Variants in DPY19L3 observed in about 807,000 individuals in gnomAD.
DPY19L3 encodes the protein dpy-19 like C-mannosyltransferase 3.
Under a neutral mutation model 92.3 loss-of-function variants are expected in DPY19L3, and 51 were observed. The observed-to-expected ratio is 0.55, with a 90% CI of 0.44 to 0.70. DPY19L3 has a LOEUF of 0.70. DPY19L3 is among the 30% of genes least tolerant of loss of function. DPY19L3 has a pLI of 0.00. For missense variants in DPY19L3, 706 were observed against 855.9 expected (o/e 0.82, Z 2.18); for synonymous variants, 309 against 315.2 (o/e 0.98, Z 0.21).
chr19:32,474,978 G>T (rs113767932), intron 16 of DPY19L3, among the ~76,000 whole-genome samples: 2 of 152,154 alleles, frequency 1.3e-5, no homozygotes, highest in Non-Finnish European at 2.9e-5. Context: ...AATAAAGAAC[G>T]TTATAACTCC....
chr19:32,443,869 A>C (rs1969401257), intron 8 of DPY19L3, among the ~76,000 whole-genome samples: 1 of 152,098 alleles, frequency 6.6e-6, no homozygotes, highest in Non-Finnish European at 1.5e-5. Flanking sequence ...CAGCCCGGGC[A>C]ACATGGTGAA....
chr19:32,470,781 C>CTTTT (rs71336911), intron 16 of DPY19L3, among the ~76,000 whole-genome samples: 1,189 of 91,150 alleles, frequency 0.013, 43 homozygotes, highest in South Asian at 0.022. Flanking sequence ...ATTCCTTTGG[C>CTTTT]TTTTTTTTTT....
intron 12 of DPY19L3, among the ~76,000 whole-genome samples, chr19:32,463,038 C>A (rs1970087474): frequency 6.7e-6 from 1 of 149,320 alleles, no homozygotes; most frequent in Non-Finnish European, 1.5e-5. Context: ...GGTAAAACAT[C>A]TTTTAAAAAT....
intron 3 of DPY19L3, among the ~76,000 whole-genome samples, chr19:32,415,178 T>A (rs1356128267): frequency 2.0e-5 from 3 of 152,108 alleles, no homozygotes; most frequent in Non-Finnish European, 2.9e-5. Flanking sequence ...ATCCAGACAA[T>A]TACAGGACAT....
rs149706995 is a variant in DPY19L3, at chr19:32,478,404, G to A, written c.1830+750G>A. Reference sequence around the variant, plus strand: ...AAAGGCGTTGAGGCATACTGGTCACGTTTCTTATGGACCTTTCTGAAGTCT... The same window carrying A: ...AAAGGCGTTGAGGCATACTGGTCACATTTCTTATGGACCTTTCTGAAGTCT... On this transcript the variant is annotated intron_variant, in intron 17 of 18. Transcript: ENST00000392250. Among the ~76,000 whole-genome samples, 7 of 152,312 alleles carry A rather than the reference G, an allele frequency of 4.6e-5. No homozygotes were observed. The South Asian group carries it at 1.0e-3, about 23-fold the overall frequency.
rs1037781565 is a variant in DPY19L3, at chr19:32,459,243, T to TG, written c.1322+741dup. Among the ~76,000 whole-genome samples the TG allele has an allele frequency of 5.3e-5, 8 of 152,230 alleles. No individual in the cohort carries two copies. In the South Asian group the frequency reaches 6.2e-4, roughly 12 times the overall value. ...TAAGAATATCTACCCATCAAGCTGC[T>TG]GGGGGGGTTTGCATTGACTCTTCGT... is the stretch of plus-strand genomic sequence containing the variant. On this transcript the variant is annotated intron_variant, in intron 12 of 18. Coordinates refer to ENST00000392250, the MANE Select transcript of DPY19L3 (RefSeq NM_001172774.2).
intron 11 of DPY19L3, 62 bp downstream of exon 11, chr19:32,458,235 C>T: frequency 6.3e-7 from 1 of 1,582,432 alleles, no homozygotes. Flanking sequence ...GACTTTAAAA[C>T]TTAAGTTGTC....
At position 32,459,266 on chromosome 19, in the gene DPY19L3, C is replaced by T. The variant is rs533618768; in HGVS notation, c.1322+757C>T. On this transcript the variant is annotated intron_variant, in intron 12 of 18. Transcript: ENST00000392250. ...GCTGGGGGGGTTTGCATTGACTCTT[C>T]GTGTTAAACTGAAAGAAAATTAAGT... Among the ~76,000 whole-genome samples, 45 of 152,246 alleles carry T rather than the reference C, an allele frequency of 3.0e-4. No homozygotes were observed. The East Asian group carries it at 7.3e-3, about 25-fold the overall frequency.
At chr19:32,419,240 A>G (rs1599594314) in intron 3 of DPY19L3, among the ~76,000 whole-genome samples, 2 of 150,218 alleles carry the variant, frequency 1.3e-5, no homozygotes, top group East Asian at 3.9e-4. Flanking sequence ...GGCTCCCTGC[A>G]AGCTCCACCT....
chr19:32,426,563 AT>A (rs1968772081), intron 3 of DPY19L3, among the ~76,000 whole-genome samples: 1 of 152,186 alleles, frequency 6.6e-6, no homozygotes, highest in African/African-American at 2.4e-5. Context: ...AAAGTTATTA[AT>A]TCCGATATTA....
chr19:32,432,271 G>T (rs1270357629), intron 3 of DPY19L3, among the ~76,000 whole-genome samples: 1 of 152,102 alleles, frequency 6.6e-6, no homozygotes, highest in Non-Finnish European at 1.5e-5. Context: ...CCAGGGTTAC[G>T]CTTGTCAGAG....
intron 10 of DPY19L3, among the ~76,000 whole-genome samples, chr19:32,457,848 A>G (rs1309187798): frequency 1.3e-5 from 2 of 152,204 alleles, no homozygotes; most frequent in African/African-American, 4.8e-5. Context: ...CCTATTTTGC[A>G]TATTTAACTT....
intron 4 of DPY19L3, among the ~76,000 whole-genome samples, chr19:32,434,032 G>C (rs1969055760): frequency 1.3e-5 from 2 of 152,172 alleles, no homozygotes; most frequent in Admixed American, 1.3e-4. Flanking sequence ...CTACCTTGCA[G>C]TACAGTTTAT....
intron 6 of DPY19L3, 112 bp downstream of exon 6, chr19:32,437,451 G>A: frequency 1.5e-6 from 2 of 1,291,508 alleles, no homozygotes; most frequent in Non-Finnish European, 2.1e-6. Context: ...GTTGGGAGCA[G>A]TTTCTCTTTG....
intron 3 of DPY19L3, among the ~76,000 whole-genome samples, chr19:32,431,395 G>A (rs769535998): frequency 2.0e-5 from 3 of 151,050 alleles, no homozygotes; most frequent in South Asian, 2.1e-4. Context: ...AAAACAGATC[G>A]AATTATATTT....
At position 32,482,186 on chromosome 19, in the gene DPY19L3, C is replaced by T. The variant is rs763103591; in HGVS notation, c.2097C>T (p.Thr699=). 1 of 1,613,848 alleles carries T rather than the reference C, an allele frequency of 6.2e-7. No individual in the cohort carries two copies. The highest frequency in any genetic ancestry group is 1.1e-5 in the South Asian group (1 of 91,060). The change falls in exon 19 of 19, where the codon ACC becomes ACT. Residue 699 remains threonine (T), a synonymous_variant. Transcript: ENST00000392250. The part of the protein sequence containing the change: ...RNLPPYVAYF[T]RVFQNKTFHV... Reference sequence around the variant, plus strand: ...TGCCTCCCTACGTGGCCTACTTCACCAGAGTGTTCCAGAACAAAACCTTCC... The same window carrying T: ...TGCCTCCCTACGTGGCCTACTTCACTAGAGTGTTCCAGAACAAAACCTTCC...
chr19:32,473,505 A>G (rs1970414961), intron 16 of DPY19L3, among the ~76,000 whole-genome samples: 1 of 152,256 alleles, frequency 6.6e-6, no homozygotes, highest in Admixed American at 6.5e-5. Flanking sequence ...AGCTAAGGAC[A>G]ACGGATCCCT....
At chr19:32,477,494 G>A in intron 16 of DPY19L3, 28 bp from the exon 17 acceptor site, 1 of 1,613,822 alleles carries the variant, frequency 6.2e-7, no homozygotes, top group Non-Finnish European at 8.5e-7. Context: ...TTAACAGTGG[G>A]GTTAATTCAG....
intron 8 of DPY19L3, among the ~76,000 whole-genome samples, chr19:32,452,361 C>T (rs1969729684): frequency 6.6e-6 from 1 of 152,170 alleles, no homozygotes; most frequent in East Asian, 1.9e-4. Context: ...GGTCATGCAG[C>T]AGGAGGGGTT....
Sources: allele counts gnomAD v4.1 joint callset (sites outside exome capture counted in the v4.1 genomes callset), GRCh38; gene constraint gnomAD v4.1.1; transcripts MANE v1.5; gene names NCBI Gene and HGNC (gene_info 2026-07-23, HGNC 2026-07-21).